Variants in PTPRG observed in about 807,000 individuals in gnomAD.
PTPRG encodes receptor-type tyrosine-protein phosphatase gamma.
In PTPRG, 102 loss-of-function variants were observed where a neutral mutation model predicts 165.3. The ratio of observed to expected loss-of-function variants is 0.62; its 90% CI spans 0.53 to 0.73. The LOEUF (loss-of-function observed/expected upper bound fraction) is 0.73. Among genes scored for constraint, PTPRG ranks in the 30% least tolerant of loss-of-function variants. The pLI is 0.00. For synonymous variants in PTPRG, 675 were observed against 669.5 expected, an observed-to-expected ratio of 1.01 and a Z score of -0.13; for missense variants, 1,866 against 1,861.4, an observed-to-expected ratio of 1.00 and a Z score of -0.05.
intron 15 of PTPRG, 133 bp downstream of exon 15, chr3:62,244,031 G>T (rs1049448477): frequency 1.4e-5 from 8 of 571,616 alleles, no homozygotes; most frequent in Non-Finnish European, 2.5e-5. Context: ...CTCTTTAGAA[G>T]AACAAATAAC....
At chr3:62,249,653 A>G (rs1701366532) in intron 15 of PTPRG, among the ~76,000 whole-genome samples, 2 of 152,214 alleles carry the variant, frequency 1.3e-5, no homozygotes, top group East Asian at 3.8e-4. Flanking sequence ...TTTATTAAAT[A>G]GACCTTAAGT....
chr3:61,618,011 C>CT, intron 1 of PTPRG, among the ~76,000 whole-genome samples: 1 of 152,294 alleles, frequency 6.6e-6, no homozygotes, highest in Admixed American at 6.5e-5. Context: ...CACTATATAA[C>CT]TAATTATTAA....
chr3:62,147,972 C>T (rs930736496), intron 6 of PTPRG, among the ~76,000 whole-genome samples: 2 of 151,804 alleles, frequency 1.3e-5, no homozygotes, highest in African/African-American at 4.8e-5. Context: ...GGTGAAACCC[C>T]GTCTCTACTA....
chr3:61,837,513 TA>T (rs2036504610), intron 2 of PTPRG, among the ~76,000 whole-genome samples: 1 of 152,182 alleles, frequency 6.6e-6, no homozygotes, highest in African/African-American at 2.4e-5. Flanking sequence ...ACTAGACTAT[TA>T]AAGGCTGAAT....
chr3:62,012,054 G>A (rs1158476858), intron 4 of PTPRG, among the ~76,000 whole-genome samples: 1 of 152,212 alleles, frequency 6.6e-6, no homozygotes, highest in Non-Finnish European at 1.5e-5. Context: ...AGTGGCGGTT[G>A]TGGTTGAAGT....
chr3:61,813,543 C>CTG (rs58097355), intron 2 of PTPRG, among the ~76,000 whole-genome samples: 19,049 of 116,622 alleles, frequency 0.16, 1,548 homozygotes, highest in Non-Finnish European at 0.18. Flanking sequence ...AAAAGAAAAT[C>CTG]TGTGTGTGTG....
At chr3:61,648,223 G>A (rs113420189) in intron 1 of PTPRG, among the ~76,000 whole-genome samples, 257 of 152,326 alleles carry the variant, frequency 1.7e-3, no homozygotes, top group African/African-American at 5.7e-3. Context: ...TAGGAGATTC[G>A]TTAACATAGT....
intron 29 of PTPRG, 59 bp from the exon 30 acceptor site, chr3:62,293,102 C>T: frequency 7.3e-7 from 1 of 1,373,494 alleles, no homozygotes; most frequent in Non-Finnish European, 9.7e-7. Flanking sequence ...GGTATTTCCA[C>T]CTTATGTGAA....
At chr3:61,800,151 G>C (rs768317648) in intron 2 of PTPRG, among the ~76,000 whole-genome samples, 1 of 152,170 alleles carries the variant, frequency 6.6e-6, no homozygotes, top group Non-Finnish European at 1.5e-5. Context: ...TTGTGTGACT[G>C]TGTCCATCAG....
intron 1 of PTPRG, among the ~76,000 whole-genome samples, chr3:61,630,130 G>A (rs1261235246): frequency 1.3e-5 from 2 of 152,206 alleles, no homozygotes; most frequent in Non-Finnish European, 2.9e-5. Context: ...TTGATTGGAT[G>A]TGTGCTTTAA....
At chr3:61,787,857 G>A (rs879281206) in intron 2 of PTPRG, among the ~76,000 whole-genome samples, 9 of 152,016 alleles carry the variant, frequency 5.9e-5, no homozygotes, top group Non-Finnish European at 5.9e-5. Flanking sequence ...GATACCCCTC[G>A]TTACCCAGTG....
intron 1 of PTPRG, among the ~76,000 whole-genome samples, chr3:61,712,587 C>G (rs2031618959): frequency 6.6e-6 from 1 of 152,170 alleles, no homozygotes; most frequent in Non-Finnish European, 1.5e-5. Context: ...CCCCTGTGCT[C>G]TCTCTTCTCC....
chr3:61,775,212 A>G (rs2034336171), intron 2 of PTPRG, among the ~76,000 whole-genome samples: 1 of 152,076 alleles, frequency 6.6e-6, no homozygotes, highest in African/African-American at 2.4e-5. Flanking sequence ...CTGGGATTAC[A>G]GGCATTTGCC....
chr3:62,282,287 C>G (rs1272490109), intron 27 of PTPRG, among the ~76,000 whole-genome samples: 1 of 152,008 alleles, frequency 6.6e-6, no homozygotes, highest in Admixed American at 6.6e-5. Context: ...ACAGTGGCAT[C>G]ATCAAAGCTC....
intron 15 of PTPRG, among the ~76,000 whole-genome samples, chr3:62,249,443 A>T (rs957851463): frequency 6.6e-6 from 1 of 152,010 alleles, no homozygotes; most frequent in Admixed American, 6.6e-5. Flanking sequence ...CACTGATTTG[A>T]CCCAAGTACT....
Position 61,894,301 on chromosome 3 carries a change from C to CAAAAAAAAAAA in PTPRG, c.191-95301_191-95291dup, listed in dbSNP as rs767479285. The stretch of plus-strand genomic sequence containing the variant: ...CGGGCAACAGAGCAAGACTCTGTGT[C>CAAAAAAAAAAA]AAAAAAAAAAAAAAAAAAAAAAAAA... On this transcript the variant is annotated intron_variant, in intron 2 of 29. Transcript: ENST00000474889. Among the ~76,000 whole-genome samples, 47 of 49,848 alleles carry CAAAAAAAAAAA rather than the reference C, an allele frequency of 9.4e-4. 5 individuals are homozygous for CAAAAAAAAAAA. The highest frequency in any genetic ancestry group is 2.5e-3 in the African/African-American group (38 of 15,098). The allele number at this position is 49,848 out of a possible 152,430, so 32.7% of individuals were successfully genotyped here. A position where few individuals can be genotyped will look rare whatever the true frequency, so the allele number is the denominator to read the frequency against.
chr3:62,152,197 G>A (rs1000761592), intron 6 of PTPRG, among the ~76,000 whole-genome samples: 19 of 151,106 alleles, frequency 1.3e-4, no homozygotes, highest in Non-Finnish European at 2.1e-4. Context: ...AAGACCTCAT[G>A]TCTACTAATT....
chr3:61,720,973 T>G (rs967480247), intron 1 of PTPRG, among the ~76,000 whole-genome samples: 4 of 152,258 alleles, frequency 2.6e-5, no homozygotes, highest in African/African-American at 9.6e-5. Flanking sequence ...TTGCTTGTAA[T>G]TTTAATTTAT....
At chr3:62,079,906 C>T (rs1180671800) in intron 5 of PTPRG, among the ~76,000 whole-genome samples, 1 of 152,160 alleles carries the variant, frequency 6.6e-6, no homozygotes, top group Non-Finnish European at 1.5e-5. Flanking sequence ...ATAGCGGACA[C>T]TTGGAAATTC....
Sources: allele counts gnomAD v4.1 joint callset (sites outside exome capture counted in the v4.1 genomes callset), GRCh38; gene constraint gnomAD v4.1.1; transcripts MANE v1.5; gene names NCBI Gene and HGNC (gene_info 2026-07-23, HGNC 2026-07-21).